The following CSMD2 variants were observed in gnomAD, a reference collection of about 807,000 sequenced individuals.
The protein encoded by CSMD2 is CUB and sushi domain-containing protein 2.
Under a neutral mutation model 398.5 loss-of-function variants are expected in CSMD2, and 130 were observed. The ratio of observed to expected loss-of-function variants is 0.33; its 90% confidence interval spans 0.28 to 0.38. The LOEUF (loss-of-function observed/expected upper bound fraction) is 0.38. CSMD2 is among the 10% of genes least tolerant of loss of function. The probability of loss-of-function intolerance (pLI) is 1.00; values close to 1 mark genes in which losing one functional copy is unlikely to be tolerated. For synonymous variants in CSMD2, 1,828 were observed against 1,908.5 expected, an observed-to-expected ratio of 0.96 and a Z score of 1.10; for missense variants, 3,829 against 4,764.9, an observed-to-expected ratio of 0.80 and a Z score of 5.78.
chr1:33,987,424 A>T (rs1039503956), intron 3 of CSMD2, among the ~76,000 whole-genome samples: 1 of 152,172 alleles, frequency 6.6e-6, no homozygotes. Flanking sequence ...GACTTGCCCA[A>T]GGTCACCCTG....
Position 33,542,700 on chromosome 1 carries a change from C to T in CSMD2, c.9277+20G>A, listed in dbSNP as rs143940978. ...CTGGGCCACTGTTGGCCATGGAACCCGTAGGGCCTGAGCTCTCACCGAGGC... is the reference window on the plus strand; with the variant it reads ...CTGGGCCACTGTTGGCCATGGAACCTGTAGGGCCTGAGCTCTCACCGAGGC... On this transcript the variant is annotated intron_variant, in intron 58 of 70. Transcript: ENST00000373381. The T allele has an allele frequency of 8.1e-5, 130 of 1,606,122 alleles. No individual in the cohort carries two copies. The Middle Eastern group carries it at 8.4e-4, about 10-fold the overall frequency.
At chr1:33,608,001 A>G (rs1640740409) in intron 41 of CSMD2, among the ~76,000 whole-genome samples, 1 of 152,184 alleles carries the variant, frequency 6.6e-6, no homozygotes, top group African/African-American at 2.4e-5. Context: ...TGCAAACCTC[A>G]GTGGGAGAGA....
At chr1:33,570,206 C>T (rs1208909441) in intron 51 of CSMD2, among the ~76,000 whole-genome samples, 1 of 144,872 alleles carries the variant, frequency 6.9e-6, no homozygotes, top group Admixed American at 7.1e-5. Context: ...CTTGCACAGT[C>T]GTCCAGGCTG....
intron 3 of CSMD2, among the ~76,000 whole-genome samples, chr1:33,950,896 T>C (rs776598647): frequency 9.9e-5 from 15 of 152,258 alleles, no homozygotes; most frequent in Non-Finnish European, 1.8e-4. Flanking sequence ...TCTGAAGAGC[T>C]GCTGTTGACC....
intron 3 of CSMD2, among the ~76,000 whole-genome samples, chr1:33,983,265 A>T (rs2147963861): frequency 6.6e-6 from 1 of 152,332 alleles, no homozygotes; most frequent in Non-Finnish European, 1.5e-5. Flanking sequence ...CACTTAGCAG[A>T]TGCCAAGAAC....
chr1:33,613,038 A>G (rs1253044133), intron 40 of CSMD2, among the ~76,000 whole-genome samples: 1 of 152,174 alleles, frequency 6.6e-6, no homozygotes, highest in Non-Finnish European at 1.5e-5. Flanking sequence ...CTTGAACTCC[A>G]AGGAAAGAAC....
rs981143786 is a variant in CSMD2, at chr1:34,026,309, T to C, written c.517+6285A>G. ...TACTATGCCACCTTTCCCCTTATGG[T>C]TACCAAGGAGTCCACAAAAAATAAG... is the stretch of plus-strand genomic sequence containing the variant. On this transcript the variant is annotated intron_variant, in intron 3 of 70. Coordinates refer to ENST00000373381, the MANE Select transcript of CSMD2 (RefSeq NM_001281956.2). Among the ~76,000 whole-genome samples, 5 of 152,166 alleles carry C rather than the reference T, an allele frequency of 3.3e-5. No homozygotes were observed. The South Asian group carries it at 1.0e-3, about 31-fold the overall frequency.
chr1:33,532,436 C>T (rs12760034), intron 64 of CSMD2, among the ~76,000 whole-genome samples: 25,256 of 152,182 alleles, frequency 0.17, 2,632 homozygotes, highest in East Asian at 0.37. Context: ...TCAGACATCA[C>T]CTTCTCCAGG....
At chr1:33,909,280 C>T (rs949969783) in intron 5 of CSMD2, among the ~76,000 whole-genome samples, 1 of 152,086 alleles carries the variant, frequency 6.6e-6, no homozygotes, top group Non-Finnish European at 1.5e-5. Flanking sequence ...ATGTGCAGCT[C>T]CCTCTGCCTG....
At position 33,537,763 on chromosome 1, in the gene CSMD2, G is replaced by A. The variant is rs1221195778; in HGVS notation, c.9632-154C>T. Among the ~76,000 whole-genome samples, 1 of 152,244 alleles carries A rather than the reference G, an allele frequency of 6.6e-6. No individual in the cohort carries two copies. Among genetic ancestry groups the A allele is most frequent in the Non-Finnish European group, 1.5e-5 (1 of 68,040 alleles). ...CAGCCCCAGGTAGGTGCTTCCACCT[G>A]CTGCGGTGCTGCTGCTGATGGGGGC... On this transcript the variant is annotated intron_variant, in intron 60 of 70. Transcript: ENST00000373381. The surrounding 1 kb of genome is among the most constrained non-coding windows in gnomAD (Gnocchi z 4.6).
intron 5 of CSMD2, among the ~76,000 whole-genome samples, chr1:33,848,800 C>A (rs1416804535): frequency 7.4e-6 from 1 of 134,352 alleles, no homozygotes; most frequent in African/African-American, 2.8e-5. Context: ...GAGCCACAAA[C>A]GTATTGTGGG....
chr1:34,010,666 T>C (rs1207987182), intron 3 of CSMD2, among the ~76,000 whole-genome samples: 2 of 152,074 alleles, frequency 1.3e-5, no homozygotes, highest in Admixed American at 6.5e-5. Flanking sequence ...TAACCCAGGT[T>C]GGAGTGCAGT....
chr1:33,789,785 C>G (rs918460631), intron 11 of CSMD2, among the ~76,000 whole-genome samples: 1 of 152,166 alleles, frequency 6.6e-6, no homozygotes, highest in Admixed American at 6.5e-5. Context: ...TGGGCTCTGA[C>G]AAGCTGAGTA....
chr1:33,661,762 A>G (rs1644142623), intron 26 of CSMD2, among the ~76,000 whole-genome samples: 1 of 152,194 alleles, frequency 6.6e-6, no homozygotes, highest in Non-Finnish European at 1.5e-5. Context: ...TGACAGACGT[A>G]GCAGAAAAGA....
chr1:33,958,864 G>A (rs1645254980), intron 3 of CSMD2, among the ~76,000 whole-genome samples: 1 of 152,152 alleles, frequency 6.6e-6, no homozygotes, highest in African/African-American at 2.4e-5. Context: ...CTATGTGCGT[G>A]GTGATTTTTT....
chr1:33,681,856 C>T (rs973304631), intron 25 of CSMD2, among the ~76,000 whole-genome samples: 5 of 152,176 alleles, frequency 3.3e-5, no homozygotes, highest in African/African-American at 1.2e-4. Context: ...ACCCCAGGTA[C>T]TTGGGAGGCT....
chr1:34,029,673 C>A (rs1650162723), intron 3 of CSMD2, among the ~76,000 whole-genome samples: 1 of 152,228 alleles, frequency 6.6e-6, no homozygotes, highest in Admixed American at 6.5e-5. Context: ...CACCTGTGAC[C>A]CACTTTACCA....
At chr1:33,718,868 A>G (rs985078385) in intron 19 of CSMD2, among the ~76,000 whole-genome samples, 2 of 152,212 alleles carry the variant, frequency 1.3e-5, no homozygotes, top group African/African-American at 4.8e-5. Context: ...GGGCTTCTAT[A>G]GATAGAGGTG....
chr1:33,573,165 C>A (rs1332998688), intron 49 of CSMD2, among the ~76,000 whole-genome samples: 1 of 152,174 alleles, frequency 6.6e-6, no homozygotes, highest in East Asian at 1.9e-4. Flanking sequence ...CCATTGCCTA[C>A]TCAGGTCTGC....
Sources: allele counts gnomAD v4.1 joint callset (sites outside exome capture counted in the v4.1 genomes callset), GRCh38; gene constraint gnomAD v4.1.1; non-coding constraint Gnocchi (gnomAD v3.1); transcripts MANE v1.5; gene names NCBI Gene and HGNC (gene_info 2026-07-23, HGNC 2026-07-21).